Variants in COL21A1 observed in about 807,000 individuals in gnomAD.
COL21A1 encodes collagen type XXI alpha 1 chain.
In COL21A1, 149 loss-of-function variants were observed where a neutral mutation model predicts 137.9. The observed-to-expected ratio is 1.08, with a 90% CI of 0.95 to 1.24. The LOEUF (loss-of-function observed/expected upper bound fraction) is 1.24, where lower values mean the gene tolerates loss of function less well. Among genes scored for constraint, COL21A1 ranks in the 50% most tolerant of loss-of-function variants. The pLI is 0.00. For synonymous variants in COL21A1, 456 were observed against 391.5 expected, an observed-to-expected ratio of 1.16 and a Z score of -1.95; for missense variants, 1,167 against 1,158.4, an observed-to-expected ratio of 1.01 and a Z score of -0.11.
chr6:56,239,588 G>C (rs1231171918), intron 1 of COL21A1, among the ~76,000 whole-genome samples: 1 of 151,860 alleles, frequency 6.6e-6, no homozygotes, highest in Admixed American at 6.6e-5. Context: ...GTGTTGGAAA[G>C]ACCAGTGAAA....
At chr6:56,146,877 C>T (rs1481391446) in intron 10 of COL21A1, among the ~76,000 whole-genome samples, 40 of 152,154 alleles carry the variant, frequency 2.6e-4, no homozygotes, top group Non-Finnish European at 1.5e-5. Context: ...ATCTAATCCT[C>T]TCTCATATAG....
intron 1 of COL21A1, among the ~76,000 whole-genome samples, chr6:56,303,289 G>C (rs1764348925): frequency 6.6e-6 from 1 of 152,166 alleles, no homozygotes; most frequent in Non-Finnish European, 1.5e-5. Context: ...TAGCTTGATG[G>C]GGATGGCATT....
At chr6:56,322,947 T>A (rs1052374841) in intron 1 of COL21A1, among the ~76,000 whole-genome samples, 2 of 151,918 alleles carry the variant, frequency 1.3e-5, no homozygotes, top group East Asian at 1.9e-4. Flanking sequence ...AAGTTTTTTT[T>A]ATTAATAAGA....
At chr6:56,249,874 TTA>T (rs1178801185), upstream of COL21A1, among the ~76,000 whole-genome samples, 2 of 152,246 alleles carry the variant, frequency 1.3e-5, no homozygotes, top group African/African-American at 4.8e-5. Context: ...AGTATGTGAA[TTA>T]TATATCAGTT....
chr6:56,145,766 G>A (rs1268562109), intron 10 of COL21A1, among the ~76,000 whole-genome samples: 2 of 151,698 alleles, frequency 1.3e-5, no homozygotes, highest in Admixed American at 6.6e-5. Context: ...TTATTAGCAG[G>A]TCCAAATATC....
At chr6:56,347,113 C>T (rs762382081) in intron 1 of COL21A1, among the ~76,000 whole-genome samples, 3 of 152,140 alleles carry the variant, frequency 2.0e-5, no homozygotes, top group Admixed American at 6.5e-5. Flanking sequence ...AAGAATGATG[C>T]GCTCTGTCGG....
At chr6:56,159,334 ATTT>A (rs11412656) in intron 9 of COL21A1, among the ~76,000 whole-genome samples, 1 of 137,138 alleles carries the variant, frequency 7.3e-6, no homozygotes, top group African/African-American at 2.7e-5. Flanking sequence ...TCTGAATTAC[ATTT>A]TTTTTTTTTT....
intron 12 of COL21A1, among the ~76,000 whole-genome samples, chr6:56,133,695 G>A (rs929606960): frequency 6.6e-6 from 1 of 152,170 alleles, no homozygotes; most frequent in Non-Finnish European, 1.5e-5. Context: ...GCCAGAGCCA[G>A]GGCCCCCTTG....
chr6:56,101,081 A>C (rs182908117), intron 17 of COL21A1, among the ~76,000 whole-genome samples: 10 of 152,324 alleles, frequency 6.6e-5, no homozygotes, highest in Admixed American at 5.2e-4. Flanking sequence ...ATTCAGATTC[A>C]GTACTTTCTT....
Position 56,057,546 on chromosome 6 carries a change from C to A in COL21A1, c.*111G>T. 4 of 964,090 alleles carry A rather than the reference C, an allele frequency of 4.1e-6. No individual in the cohort carries two copies. Among genetic ancestry groups the A allele is most frequent in the African/African-American group, 1.7e-5 (1 of 59,040 alleles). The allele number at this position is 964,090 out of a possible 1,614,324, so 59.7% of individuals were successfully genotyped here. A position where few individuals can be genotyped will look rare whatever the true frequency, so the allele number is the denominator to read the frequency against. ...TTCCATAAGAAAAAAAAAATAAAAACACCGAGGTACTTAAGTTTCTTTTCA... is the reference window on the plus strand; with the variant it reads ...TTCCATAAGAAAAAAAAAATAAAAAAACCGAGGTACTTAAGTTTCTTTTCA... On this transcript the variant is annotated 3_prime_UTR_variant, in exon 30 of 30. Coordinates refer to ENST00000244728, the MANE Select transcript of COL21A1 (RefSeq NM_030820.4).
At chr6:56,263,247 T>C (rs1034019078) in intron 1 of COL21A1, among the ~76,000 whole-genome samples, 1 of 152,190 alleles carries the variant, frequency 6.6e-6, no homozygotes. Context: ...TGGTATTTCA[T>C]AAAGGGCCAA....
chr6:56,254,614 T>A (rs1346457002), intron 1 of COL21A1, among the ~76,000 whole-genome samples: 1 of 152,220 alleles, frequency 6.6e-6, no homozygotes, highest in African/African-American at 2.4e-5. Context: ...AAAGCTCCCT[T>A]GGTTGGATGT....
At chr6:56,364,211 G>A (rs1000910973) in intron 1 of COL21A1, among the ~76,000 whole-genome samples, 2 of 152,088 alleles carry the variant, frequency 1.3e-5, no homozygotes, top group African/African-American at 4.8e-5. Flanking sequence ...GTAATTGGCA[G>A]AGGGAACCAT....
chr6:56,196,161 A>T (rs935067367), intron 1 of COL21A1, among the ~76,000 whole-genome samples: 2 of 152,158 alleles, frequency 1.3e-5, no homozygotes, highest in Admixed American at 6.5e-5. Context: ...ATCTGACAAA[A>T]TTCTCCATCA....
chr6:56,177,113 T>TAGTAGTAGTACTAGC (rs1333184602), intron 3 of COL21A1, among the ~76,000 whole-genome samples: 1 of 151,946 alleles, frequency 6.6e-6, no homozygotes, highest in Non-Finnish European at 1.5e-5. Context: ...GAAGTAGTAG[T>TAGTAGTAGTACTAGC]AGTAGTAGTA....
Position 56,143,469 on chromosome 6 carries a change from G to C in COL21A1, c.1435-1486C>G, listed in dbSNP as rs142856832. On this transcript the variant is annotated intron_variant, in intron 10 of 29. Transcript: ENST00000244728. ...CCCTCCTCGGCCTCCCAAAGTGCTAGGATTACAGGCGTGAGCCACTGCACC... is the reference window on the plus strand; with the variant it reads ...CCCTCCTCGGCCTCCCAAAGTGCTACGATTACAGGCGTGAGCCACTGCACC... Among the ~76,000 whole-genome samples the C allele has an allele frequency of 5.9e-3, 903 of 152,116 alleles. 6 individuals carry two copies. Among genetic ancestry groups the C allele is most frequent in the Middle Eastern group, 0.041 (12 of 294 alleles).
At chr6:56,070,898 A>G in intron 20 of COL21A1, 100 bp from the exon 21 acceptor site, 1 of 934,096 alleles carries the variant, frequency 1.1e-6, no homozygotes, top group South Asian at 1.7e-5. Context: ...TAACTTTTAC[A>G]TTTTTAACTT....
intron 1 of COL21A1, among the ~76,000 whole-genome samples, chr6:56,242,383 G>A (rs9475642): frequency 0.45 from 67,596 of 151,878 alleles, 16,651 homozygotes; most frequent in African/African-American, 0.65. Context: ...CTCAAACTTC[G>A]CTAGAACATT....
At chr6:56,200,036 G>A (rs1246964491) in intron 1 of COL21A1, among the ~76,000 whole-genome samples, 1 of 152,128 alleles carries the variant, frequency 6.6e-6, no homozygotes, top group Non-Finnish European at 1.5e-5. Context: ...CTCTAAAAAG[G>A]TAACACTTGA....
Sources: gnomAD v4.1 joint callset for allele counts (sites outside exome capture counted in the v4.1 genomes callset) on GRCh38, gnomAD v4.1.1 for gene constraint, MANE v1.5 for transcripts, NCBI Gene and HGNC (gene_info 2026-07-23, HGNC 2026-07-21) for gene names.